The following LCMT1 variants were observed in gnomAD, a reference collection of about 807,000 sequenced individuals.
The protein encoded by LCMT1 is leucine carboxyl methyltransferase 1, also known as [Phosphatase 2A protein]-leucine-carboxy methyltransferase 1.
Under a neutral mutation model 47.7 loss-of-function variants are expected in LCMT1, and 32 were observed. The observed-to-expected ratio is 0.67, with a 90% CI of 0.51 to 0.90. LCMT1 has a LOEUF of 0.90. Among genes scored for constraint, LCMT1 ranks in the 40% least tolerant of loss-of-function variants. The pLI is 0.00. For synonymous variants in LCMT1, 152 were observed against 149.7 expected, an observed-to-expected ratio of 1.02 and a Z score of -0.11; for missense variants, 375 against 415.2, an observed-to-expected ratio of 0.90 and a Z score of 0.84.
intron 6 of LCMT1, 69 bp from the exon 7 acceptor site, chr16:25,164,529 A>T (rs1306711315): frequency 1.2e-6 from 2 of 1,602,450 alleles, no homozygotes; most frequent in East Asian, 2.2e-5. Flanking sequence ...ATACTGCAAC[A>T]TGTGTACAAT....
chr16:25,160,604 A>T (rs1374020848), intron 5 of LCMT1, among the ~76,000 whole-genome samples: 1 of 152,240 alleles, frequency 6.6e-6, no homozygotes, highest in Non-Finnish European at 1.5e-5. Context: ...CAGATGCTTC[A>T]TGATGTCTAT....
intron 1 of LCMT1, among the ~76,000 whole-genome samples, chr16:25,126,521 A>G (rs1960197651): frequency 6.6e-6 from 1 of 150,466 alleles, no homozygotes; most frequent in Non-Finnish European, 1.5e-5. Context: ...TCTACGAGTC[A>G]CTGCCTTCAT....
chr16:25,154,051 C>T (rs1961160874), intron 5 of LCMT1, among the ~76,000 whole-genome samples: 1 of 151,908 alleles, frequency 6.6e-6, no homozygotes, highest in Non-Finnish European at 1.5e-5. Context: ...CCTCTGTCAC[C>T]CAGGCTGGAG....
chr16:25,125,979 C>G (rs559805620), intron 1 of LCMT1: 9 of 1,284,464 alleles, frequency 7.0e-6, no homozygotes, highest in Admixed American at 2.1e-5. Flanking sequence ...CCATCAGCAG[C>G]GCCCGACAGC....
chr16:25,140,059 A>G, intron 3 of LCMT1, 112 bp from the exon 4 acceptor site: 1 of 747,952 alleles, frequency 1.3e-6, no homozygotes, highest in East Asian at 2.7e-5. Context: ...CAGTCCCCTG[A>G]TTTAAAAATC....
intron 5 of LCMT1, among the ~76,000 whole-genome samples, chr16:25,156,940 CTTTTTT>C (rs5816285): frequency 2.3e-5 from 3 of 130,038 alleles, no homozygotes; most frequent in Non-Finnish European, 4.9e-5. Flanking sequence ...TCCATTTTAC[CTTTTTT>C]TTTTTTTTTT....
At chr16:25,171,194 C>G (rs532302853) in intron 9 of LCMT1, among the ~76,000 whole-genome samples, 1 of 151,750 alleles carries the variant, frequency 6.6e-6, no homozygotes, top group Non-Finnish European at 1.5e-5. Flanking sequence ...GAGCTGAGAT[C>G]GTGCCGCTTC....
At chr16:25,132,547 C>G (rs752723719) in intron 3 of LCMT1, 24 bp downstream of exon 3, 1 of 1,609,576 alleles carries the variant, frequency 6.2e-7, no homozygotes, top group Admixed American at 1.7e-5. Flanking sequence ...CCCCTCCTCC[C>G]TCCCCAAGTG....
At chr16:25,143,984 G>A (rs989735101) in intron 4 of LCMT1, 1 of 152,196 alleles carries the variant, frequency 6.6e-6, no homozygotes, top group African/African-American at 2.4e-5. Context: ...AGGAAGGTTG[G>A]TAGGGTCTGT....
chr16:25,177,369 T>A (rs1476761073), intron 10 of LCMT1, among the ~76,000 whole-genome samples: 1 of 152,156 alleles, frequency 6.6e-6, no homozygotes. Flanking sequence ...TAAATAGTGT[T>A]TTGTTTGTTT....
At chr16:25,113,715 A>C (rs1320053967) in intron 1 of LCMT1, among the ~76,000 whole-genome samples, 1 of 152,138 alleles carries the variant, frequency 6.6e-6, no homozygotes, top group East Asian at 1.9e-4. Flanking sequence ...GGCTCCTGGT[A>C]ACTTCCACCT....
At chr16:25,164,509 C>T (rs1046380637) in intron 6 of LCMT1, 89 bp from the exon 7 acceptor site, 21 of 1,521,924 alleles carry the variant, frequency 1.4e-5, no homozygotes, top group African/African-American at 1.1e-4. Context: ...GGGCATGGAC[C>T]GCCCCACCAA....
chr16:25,111,752 C>A lies in LCMT1; in HGVS notation c.-132C>A. On this transcript the variant is annotated 5_prime_UTR_variant, in exon 1 of 11. Transcript: ENST00000399069. ...GCCGGCGTGGGCGGCGTCACTGAGC[C>A]GCGCCAGCTGAGCCAGGTAGGGCCC... 1.6e-6 allele frequency: 1 copy of A among 635,598 alleles called. No homozygotes were observed. Among genetic ancestry groups the A allele is most frequent in the Non-Finnish European group, 2.8e-6 (1 of 353,044 alleles). 39.4% of individuals were successfully genotyped at this position (635,598 alleles called of 1,614,324 possible). A position where few individuals can be genotyped will look rare whatever the true frequency, so the allele number is the denominator to read the frequency against.
In LCMT1 at chr16:25,178,052, GC is replaced by G. The variant is rs1962007753; in HGVS notation, c.*31del. The G allele has an allele frequency of 6.2e-7, 1 of 1,612,434 alleles. No individual in the cohort carries two copies. The highest frequency in any genetic ancestry group is 1.1e-5 in the South Asian group (1 of 90,836). On this transcript the variant is annotated 3_prime_UTR_variant, in exon 11 of 11. Coordinates refer to ENST00000399069, the MANE Select transcript of LCMT1 (RefSeq NM_016309.3). The stretch of plus-strand genomic sequence containing the variant: ...GTCGAAGGCTTATGCCGAGCCAGAA[GC>G]CGAAGCCACTTGCCCTCCTGGAGGA...
chr16:25,115,255 C>A (rs1959750743), intron 1 of LCMT1, among the ~76,000 whole-genome samples: 2 of 152,168 alleles, frequency 1.3e-5, no homozygotes, highest in Admixed American at 1.3e-4. Context: ...TTTAGATGTT[C>A]CCTCTGCTGT....
At chr16:25,125,277 A>G (rs8052745) in intron 1 of LCMT1, among the ~76,000 whole-genome samples, 8,451 of 152,262 alleles carry the variant, frequency 0.056, 799 homozygotes, top group African/African-American at 0.19. Flanking sequence ...AACATCCTAC[A>G]CATACAATTT....
chr16:25,170,215 G>A (rs1305371303), intron 8 of LCMT1, among the ~76,000 whole-genome samples: 3 of 151,566 alleles, frequency 2.0e-5, no homozygotes, highest in Admixed American at 6.6e-5. Context: ...GTGAGCCTCC[G>A]TCTCAAAAAA....
chr16:25,176,716 C>T (rs1355517613), intron 10 of LCMT1, among the ~76,000 whole-genome samples: 1 of 150,568 alleles, frequency 6.6e-6, no homozygotes, highest in Non-Finnish European at 1.5e-5. Context: ...CGTCCACCAC[C>T]ATGTCCAGCT....
chr16:25,177,104 C>T (rs879889832), intron 10 of LCMT1, among the ~76,000 whole-genome samples: 68 of 149,654 alleles, frequency 4.5e-4, no homozygotes, highest in Middle Eastern at 3.5e-3. Flanking sequence ...CTCTTGAACC[C>T]GGGAGGCAGA....
Sources: allele counts gnomAD v4.1 joint callset (sites outside exome capture counted in the v4.1 genomes callset), GRCh38; gene constraint gnomAD v4.1.1; transcripts MANE v1.5; gene names NCBI Gene and HGNC (gene_info 2026-07-23, HGNC 2026-07-21).